The following TBCK variants were observed in gnomAD, a reference collection of about 807,000 sequenced individuals.
TBCK encodes TBC1 domain containing kinase.
A neutral mutation model predicts 113.4 loss-of-function variants in TBCK; 99 were observed. The observed-to-expected ratio is 0.87, with a 90% CI of 0.74 to 1.03. The LOEUF (loss-of-function observed/expected upper bound fraction) is 1.03. TBCK is among the 50% of genes least tolerant of loss of function. TBCK has a pLI of 0.00. For missense variants in TBCK, 1,045 were observed against 1,061.3 expected, an observed-to-expected ratio of 0.98 and a Z score of 0.21; for synonymous variants, 369 against 370.8, an observed-to-expected ratio of 1.00 and a Z score of 0.05.
rs1013843639 is a variant in TBCK at position 106,116,523 on chromosome 4, C to T, written c.2236-145G>A. 7.0e-5 allele frequency: 51 copies of T among 729,838 alleles called. No homozygotes were observed. In the African/African-American group the frequency reaches 8.7e-4, roughly 12 times the overall value. The allele number at this position is 729,838 out of a possible 1,614,324, so 45.2% of individuals were successfully genotyped here. ...AATTTTCACAGTCTATTGTGTAATT[C>T]AGTGGTCTCCAACCCCCAGGCCATG... On this transcript the variant is annotated intron_variant, in intron 23 of 25. Coordinates refer to ENST00000394708, the MANE Select transcript of TBCK (RefSeq NM_001163435.3).
chr4:106,156,348 C>G (rs1441622691), intron 23 of TBCK, among the ~76,000 whole-genome samples: 1 of 152,160 alleles, frequency 6.6e-6, no homozygotes, highest in East Asian at 1.9e-4. Flanking sequence ...CTGGGTCTCG[C>G]CCAAGGCTTG....
At chr4:106,172,101 GGGTTACAGGGATCATCCACCAT>G (rs1457519786) in intron 22 of TBCK, among the ~76,000 whole-genome samples, 15 of 152,052 alleles carry the variant, frequency 9.9e-5, no homozygotes, top group Non-Finnish European at 1.5e-4. Flanking sequence ...CAAAATTCTA[GGGTTACAGGGATCATCCACCAT>G]GCCCAACTAG....
chr4:106,289,351 T>C (rs1765434180), intron 3 of TBCK, among the ~76,000 whole-genome samples: 1 of 152,244 alleles, frequency 6.6e-6, no homozygotes, highest in African/African-American at 2.4e-5. Flanking sequence ...TAGCCTTTTT[T>C]ATAGCATTGA....
At chr4:106,212,698 T>C in intron 20 of TBCK, 52 bp downstream of exon 20, 2 of 1,342,574 alleles carry the variant, frequency 1.5e-6, no homozygotes, top group South Asian at 2.5e-5. Context: ...GTGCTAATAA[T>C]TTCTGCTTTT....
At chr4:106,133,878 T>G (rs200301456) in intron 23 of TBCK, among the ~76,000 whole-genome samples, 1 of 151,960 alleles carries the variant, frequency 6.6e-6, no homozygotes, top group Admixed American at 6.5e-5. Context: ...GGCATGGTGG[T>G]GGGTGCCTGT....
intron 4 of TBCK, 49 bp from the exon 5 acceptor site, chr4:106,260,559 G>T: frequency 1.7e-6 from 1 of 571,502 alleles, no homozygotes; most frequent in Non-Finnish European, 2.8e-6. Context: ...ATTATAATTG[G>T]CAACATATAA....
At chr4:106,261,907 T>A (rs547606931) in intron 4 of TBCK, among the ~76,000 whole-genome samples, 191 bp downstream of exon 4, 1 of 152,032 alleles carries the variant, frequency 6.6e-6, no homozygotes, top group South Asian at 2.1e-4. Context: ...ATATACAGAT[T>A]AAATAATTTA....
rs1761474923 is a variant in TBCK at position 106,251,923 on chromosome 4, A to G, written c.540T>C (p.Pro180=). ...ACCATACATCTGATTTGGGGCCAGA[A>G]GGCAATGGTTTTTTACTTGGCATGT... ...TDHMPSKKPL[P]SGPKSDVWSL... Residue 180 remains proline (P), a synonymous_variant, in exon 6 of 26, where the codon CCT becomes CCC. Transcript: ENST00000394708. 1.2e-6 allele frequency: 2 copies of G among 1,611,680 alleles called. No individual in the cohort carries two copies. The highest frequency in any genetic ancestry group is 1.7e-6 in the Non-Finnish European group (2 of 1,178,486).
intron 23 of TBCK, among the ~76,000 whole-genome samples, chr4:106,136,394 T>C (rs1410991487): frequency 1.4e-5 from 2 of 141,230 alleles, no homozygotes; most frequent in Non-Finnish European, 3.2e-5. Context: ...AGTAGTTCAT[T>C]TGGCCAGAAA....
intron 2 of TBCK, among the ~76,000 whole-genome samples, chr4:106,302,611 G>GGGC (rs1767066832): frequency 6.6e-6 from 1 of 152,140 alleles, no homozygotes; most frequent in African/African-American, 2.4e-5. Context: ...AATAAACAAA[G>GGGC]GGCTCTTGGT....
chr4:106,102,541 C>T (rs1331297619), intron 24 of TBCK, among the ~76,000 whole-genome samples: 1 of 151,778 alleles, frequency 6.6e-6, no homozygotes, highest in Non-Finnish European at 1.5e-5. Flanking sequence ...GATAAGATTG[C>T]CTCCCTCCCT....
intron 25 of TBCK, among the ~76,000 whole-genome samples, chr4:106,052,277 T>C (rs906481696): frequency 3.2e-4 from 49 of 151,802 alleles, no homozygotes; most frequent in African/African-American, 1.1e-3. Context: ...TACCCTACCA[T>C]AGGCACTTGT....
chr4:106,130,776 A>C (rs1021099876), intron 23 of TBCK, among the ~76,000 whole-genome samples: 6 of 152,212 alleles, frequency 3.9e-5, no homozygotes, highest in African/African-American at 1.4e-4. Flanking sequence ...ACTTGTTTTC[A>C]ATCAGCATTA....
intron 23 of TBCK, among the ~76,000 whole-genome samples, chr4:106,166,839 T>C (rs1042399758): frequency 6.6e-6 from 1 of 151,400 alleles, no homozygotes; most frequent in African/African-American, 2.4e-5. Context: ...TAATACAAAA[T>C]AAGCATTTGA....
chr4:106,230,313 C>G (rs1458090657), intron 19 of TBCK, 50 bp downstream of exon 19: 1 of 1,190,236 alleles, frequency 8.4e-7, no homozygotes, highest in Non-Finnish European at 1.2e-6. Flanking sequence ...ATCAGCACAC[C>G]AGTACATCAG....
At chr4:106,231,279 A>G (rs1758831452) in intron 18 of TBCK, among the ~76,000 whole-genome samples, 1 of 151,816 alleles carries the variant, frequency 6.6e-6, no homozygotes, top group South Asian at 2.1e-4. Context: ...ACATTAGTAT[A>G]TAAGTATTAG....
chr4:106,163,741 C>T (rs1750059105), intron 23 of TBCK: 1 of 152,082 alleles, frequency 6.6e-6, no homozygotes, highest in South Asian at 2.1e-4. Flanking sequence ...GAAATTGCCC[C>T]TATTATTCAA....
At chr4:106,087,425 TAAGAC>T (rs1450249379) in intron 25 of TBCK, among the ~76,000 whole-genome samples, 1 of 151,982 alleles carries the variant, frequency 6.6e-6, no homozygotes, top group African/African-American at 2.4e-5. Flanking sequence ...CTCAAGCAAA[TAAGAC>T]AGGACACAAA....
At chr4:106,293,554 C>T (rs183785047) in intron 3 of TBCK, among the ~76,000 whole-genome samples, 154 of 152,288 alleles carry the variant, frequency 1.0e-3, no homozygotes, top group African/African-American at 3.7e-3. Flanking sequence ...CCATGGAAAA[C>T]CTGTCTTCCA....
Sources: allele counts gnomAD v4.1 joint callset (sites outside exome capture counted in the v4.1 genomes callset), GRCh38; gene constraint gnomAD v4.1.1; transcripts MANE v1.5; gene names NCBI Gene and HGNC (gene_info 2026-07-23, HGNC 2026-07-21).